Variants in CDH13 observed in about 807,000 individuals in gnomAD.
CDH13 encodes the protein cadherin-13.
Under a neutral mutation model 63.8 loss-of-function variants are expected in CDH13, and 24 were observed. The ratio of observed to expected loss-of-function variants is 0.38; its 90% CI spans 0.27 to 0.53. The LOEUF (loss-of-function observed/expected upper bound fraction) is 0.53. Ranked by LOEUF, CDH13 falls within the 20% of genes least tolerant of loss-of-function variation. The pLI is 0.85. For missense variants in CDH13, 1,049 were observed against 903.1 expected (o/e 1.16, Z -2.07); for synonymous variants, 503 against 355.3 (o/e 1.42, Z -4.67).
intron 1 of CDH13, among the ~76,000 whole-genome samples, chr16:82,811,295 T>C (rs2151180610): frequency 6.6e-6 from 1 of 152,252 alleles, no homozygotes; most frequent in Non-Finnish European, 1.5e-5. Context: ...TCAGGACTTT[T>C]CTTCTCAAAA....
intron 6 of CDH13, among the ~76,000 whole-genome samples, chr16:83,450,201 A>T (rs547165226): frequency 6.6e-6 from 1 of 152,220 alleles, no homozygotes; most frequent in Non-Finnish European, 1.5e-5. Flanking sequence ...GGGAGGTTGC[A>T]TGATGCCCAC....
intron 6 of CDH13, among the ~76,000 whole-genome samples, chr16:83,456,670 A>C (rs1272894607): frequency 2.0e-5 from 3 of 152,080 alleles, no homozygotes; most frequent in Non-Finnish European, 4.4e-5. Context: ...CATCAGAAAG[A>C]TACCCTAGGG....
At chr16:82,762,997 G>T (rs148821507) in intron 1 of CDH13, among the ~76,000 whole-genome samples, 2 of 152,138 alleles carry the variant, frequency 1.3e-5, no homozygotes, top group Admixed American at 1.3e-4. Context: ...CAGGACATTC[G>T]TGGTGCTACT....
chr16:83,573,809 C>T (rs759513086), intron 7 of CDH13, among the ~76,000 whole-genome samples: 60 of 152,156 alleles, frequency 3.9e-4, no homozygotes, highest in Admixed American at 2.1e-3. Context: ...CAAATCACTA[C>T]ACTCATTTAT....
At position 83,047,194 on chromosome 16, in the gene CDH13, A is replaced by G. The variant is rs1917871683; in HGVS notation, c.366+14976A>G. The stretch of plus-strand genomic sequence containing the variant: ...GCAGACTATAAGCAGACTTTATCTG[A>G]AGACCACCTCCTGCCCCTCACTCTT... On this transcript the variant is annotated intron_variant, in intron 3 of 13. Coordinates refer to ENST00000567109, the MANE Select transcript of CDH13 (RefSeq NM_001257.5). The surrounding 1 kb of genome is among the most constrained non-coding windows in gnomAD (Gnocchi z 4.9). 6.6e-6 allele frequency among the ~76,000 whole-genome samples: 1 copy of G among 152,200 alleles called. No individual in the cohort carries two copies. The highest frequency in any genetic ancestry group is 2.4e-5 in the African/African-American group (1 of 41,450).
At chr16:83,486,281 C>G (rs1400133278) in intron 6 of CDH13, among the ~76,000 whole-genome samples, 196 bp from the exon 7 acceptor site, 1 of 152,218 alleles carries the variant, frequency 6.6e-6, no homozygotes, top group Non-Finnish European at 1.5e-5. Flanking sequence ...TATTTCAGGT[C>G]TTTTCATGGA....
At chr16:83,419,971 A>G (rs1278759228) in intron 6 of CDH13, among the ~76,000 whole-genome samples, 2 of 151,360 alleles carry the variant, frequency 1.3e-5, no homozygotes, top group East Asian at 3.9e-4. Context: ...TACTATATGC[A>G]TAGATTTTAG....
intron 4 of CDH13, among the ~76,000 whole-genome samples, chr16:83,133,327 G>A (rs755890424): frequency 2.6e-5 from 4 of 152,120 alleles, no homozygotes; most frequent in Non-Finnish European, 5.9e-5. Context: ...AATGGAAAAT[G>A]TCTCCTTAAT....
chr16:83,359,017 C>T (rs1453258549), intron 6 of CDH13, among the ~76,000 whole-genome samples: 1 of 152,076 alleles, frequency 6.6e-6, no homozygotes, highest in Non-Finnish European at 1.5e-5. Flanking sequence ...GCTTCGTGTC[C>T]ACATTCCAGG....
At chr16:83,580,397 T>C (rs1007767165) in intron 7 of CDH13, among the ~76,000 whole-genome samples, 1 of 151,224 alleles carries the variant, frequency 6.6e-6, no homozygotes, top group African/African-American at 2.4e-5. Context: ...GTCCAAAATC[T>C]AAGACTCTAA....
intron 1 of CDH13, among the ~76,000 whole-genome samples, chr16:82,627,340 G>A (rs1033373134): frequency 3.0e-5 from 1 of 32,972 alleles, no homozygotes; most frequent in Non-Finnish European, 5.8e-5. Context: ...TGGCGTGCGT[G>A]TGTGTGTGTG....
intron 1 of CDH13, among the ~76,000 whole-genome samples, chr16:82,854,940 A>T (rs915018577): frequency 6.6e-6 from 1 of 152,180 alleles, no homozygotes; most frequent in Non-Finnish European, 1.5e-5. Flanking sequence ...CAAAGTCCTC[A>T]CTGAATCCCA....
intron 7 of CDH13, among the ~76,000 whole-genome samples, chr16:83,524,401 G>C (rs1328196761): frequency 2.0e-5 from 3 of 150,338 alleles, no homozygotes; most frequent in Admixed American, 6.6e-5. Flanking sequence ...AGCCTGTCTA[G>C]CAGGTGGACT....
chr16:83,016,699 C>G (rs1041379236), intron 2 of CDH13, among the ~76,000 whole-genome samples: 2 of 152,066 alleles, frequency 1.3e-5, no homozygotes, highest in Non-Finnish European at 2.9e-5. Context: ...ACCCTGCCAT[C>G]TAGAAACATT....
intron 6 of CDH13, among the ~76,000 whole-genome samples, chr16:83,441,062 T>G (rs2072466645): frequency 6.6e-6 from 1 of 152,212 alleles, no homozygotes; most frequent in African/African-American, 2.4e-5. Context: ...ATCTGTTCTT[T>G]CATCAGAGAG....
chr16:83,340,030 C>T (rs1262775755), intron 5 of CDH13, among the ~76,000 whole-genome samples: 1 of 152,166 alleles, frequency 6.6e-6, no homozygotes, highest in East Asian at 1.9e-4. Context: ...CACTCATCAC[C>T]ATTCTCTGTG....
At chr16:83,183,379 C>T (rs8060310) in intron 4 of CDH13, among the ~76,000 whole-genome samples, 7,484 of 152,196 alleles carry the variant, frequency 0.049, 239 homozygotes, top group Non-Finnish European at 0.063. Flanking sequence ...TATGACCTTC[C>T]ACGCACACGA....
At chr16:82,884,854 G>C (rs149675302) in intron 2 of CDH13, among the ~76,000 whole-genome samples, 1 of 152,124 alleles carries the variant, frequency 6.6e-6, no homozygotes, top group African/African-American at 2.4e-5. Flanking sequence ...AACTTATAAC[G>C]TAAAGACAAA....
intron 2 of CDH13, among the ~76,000 whole-genome samples, chr16:82,918,041 G>C (rs929263239): frequency 6.6e-5 from 10 of 151,920 alleles, no homozygotes; most frequent in African/African-American, 2.4e-4. Flanking sequence ...ATAAGCCAAA[G>C]ATCACAAAAA....
Sources: allele counts gnomAD v4.1 joint callset (sites outside exome capture counted in the v4.1 genomes callset), GRCh38; gene constraint gnomAD v4.1.1; non-coding constraint Gnocchi (gnomAD v3.1); transcripts MANE v1.5; gene names NCBI Gene and HGNC (gene_info 2026-07-23, HGNC 2026-07-21).